FBXO11: variants seen among roughly 807,000 people sequenced by gnomAD.
FBXO11 encodes F-box only protein 11.
A neutral mutation model predicts 117.0 loss-of-function variants in FBXO11; 13 were observed. The ratio of observed to expected loss-of-function variants is 0.11; its 90% CI spans 0.07 to 0.18. The LOEUF (loss-of-function observed/expected upper bound fraction) is 0.18, where lower values mean the gene tolerates loss of function less well. Among genes scored for constraint, FBXO11 ranks in the 10% least tolerant of loss-of-function variants. The pLI, the probability that FBXO11 is intolerant of heterozygous loss-of-function variation, is 1.00. For synonymous variants in FBXO11, 490 were observed against 380.5 expected, an observed-to-expected ratio of 1.29 and a Z score of -3.35; for missense variants, 767 against 1,164.4, an observed-to-expected ratio of 0.66 and a Z score of 4.97.
At chr2:47,881,162 G>A (rs576095732) in intron 1 of FBXO11, among the ~76,000 whole-genome samples, 1 of 152,112 alleles carries the variant, frequency 6.6e-6, no homozygotes, top group Non-Finnish European at 1.5e-5. Context: ...TGACGCAGTA[G>A]AATCACTTGA....
rs1056270071 is a variant in FBXO11, at chr2:47,906,042, C to G, written c.-322G>C. 8.7e-6 allele frequency: 2 copies of G among 230,142 alleles called. No homozygotes were observed. Among genetic ancestry groups the G allele is most frequent in the African/African-American group, 2.3e-5 (1 of 42,726 alleles). 14.3% of individuals were successfully genotyped at this position (230,142 alleles called of 1,614,324 possible). On this transcript the variant is annotated 5_prime_UTR_variant, in exon 1 of 23. Transcript: ENST00000403359. ...GAGAGAAAGAAAGAAAGGGCGTCCG[C>G]CGCTTGGGGATCCCGAGGCGAAGCG...
chr2:47,823,581 C>T (rs971966526), intron 11 of FBXO11, among the ~76,000 whole-genome samples: 6 of 151,936 alleles, frequency 3.9e-5, no homozygotes, highest in South Asian at 2.1e-4. Context: ...GGTGAAACCC[C>T]GTCTCTACTA....
chr2:47,847,563 G>T (rs1010294325), intron 1 of FBXO11, among the ~76,000 whole-genome samples: 3 of 151,978 alleles, frequency 2.0e-5, no homozygotes, highest in African/African-American at 7.2e-5. Flanking sequence ...ACAAAAATTA[G>T]CAAGGCATGG....
At chr2:47,893,408 T>G (rs1046092907) in intron 1 of FBXO11, among the ~76,000 whole-genome samples, 1 of 152,134 alleles carries the variant, frequency 6.6e-6, no homozygotes, top group South Asian at 2.1e-4. Context: ...GATCTGTGTA[T>G]CTCTATCCCT....
chr2:47,889,544 CAT>C (rs1380730554), intron 1 of FBXO11, among the ~76,000 whole-genome samples: 2 of 152,022 alleles, frequency 1.3e-5, no homozygotes, highest in African/African-American at 4.8e-5. Context: ...GAACTAAATT[CAT>C]GTTTCAAAGT....
At position 47,830,388 on chromosome 2, in the gene FBXO11, A is replaced by G. The variant is rs540063619; in HGVS notation, c.1398+1961T>C. On this transcript the variant is annotated intron_variant, in intron 11 of 22. Coordinates refer to ENST00000403359, the MANE Select transcript of FBXO11 (RefSeq NM_001190274.2). Reference sequence around the variant, plus strand: ...CCATAAGGCGTTCTTTAAAAAAAACAAACAAAAAATGGCTGGATGACAAAA... The same window carrying G: ...CCATAAGGCGTTCTTTAAAAAAAACGAACAAAAAATGGCTGGATGACAAAA... Among the ~76,000 whole-genome samples, 72 of 152,334 alleles carry G rather than the reference A, an allele frequency of 4.7e-4. 1 individual carries two copies. In the South Asian group the frequency reaches 0.01, roughly 22 times the overall value.
chr2:47,810,238 A>G, intron 19 of FBXO11, 78 bp downstream of exon 19: 1 of 966,844 alleles, frequency 1.0e-6, no homozygotes, highest in Non-Finnish European at 1.5e-6. Context: ...TTAATAAGCA[A>G]AACAAAATGA....
intron 1 of FBXO11, among the ~76,000 whole-genome samples, chr2:47,889,936 T>A (rs188479274): frequency 1.1e-3 from 160 of 152,324 alleles, no homozygotes; most frequent in African/African-American, 3.6e-3. Context: ...TGTACGTATT[T>A]ACTACCATAA....
intron 14 of FBXO11, 79 bp downstream of exon 14, chr2:47,820,283 C>A: frequency 9.3e-7 from 1 of 1,072,158 alleles, no homozygotes; most frequent in South Asian, 1.6e-5. Flanking sequence ...ATATGGCCTA[C>A]CTAAAAGCTT....
At chr2:47,852,534 G>A (rs568464896) in intron 1 of FBXO11, among the ~76,000 whole-genome samples, 3 of 152,320 alleles carry the variant, frequency 2.0e-5, no homozygotes, top group Non-Finnish European at 2.9e-5. Context: ...AGGTTAGAAA[G>A]CCAATAAATG....
intron 1 of FBXO11, among the ~76,000 whole-genome samples, chr2:47,886,480 T>C (rs1676856982): frequency 1.4e-5 from 2 of 144,420 alleles, no homozygotes; most frequent in Non-Finnish European, 1.5e-5. Flanking sequence ...CACTCCAGCA[T>C]GGGAGACAGA....
intron 14 of FBXO11, among the ~76,000 whole-genome samples, chr2:47,819,428 G>C (rs993660003): frequency 6.6e-6 from 1 of 152,176 alleles, no homozygotes; most frequent in South Asian, 2.1e-4. Flanking sequence ...CTTGGCCAGG[G>C]TGGTCTTGAA....
intron 21 of FBXO11, 166 bp downstream of exon 21, chr2:47,808,992 T>C: frequency 1.9e-6 from 1 of 520,052 alleles, no homozygotes; most frequent in Non-Finnish European, 3.4e-6. Flanking sequence ...CCACCACGCC[T>C]ACCCACAGTT....
At chr2:47,810,963 T>G (rs896250649) in intron 18 of FBXO11, 1 of 152,302 alleles carries the variant, frequency 6.6e-6, no homozygotes, top group Non-Finnish European at 1.5e-5. Context: ...TAATATCACC[T>G]TGCCTTTCAA....
chr2:47,849,483 A>G (rs560485486), intron 1 of FBXO11, among the ~76,000 whole-genome samples: 1 of 152,248 alleles, frequency 6.6e-6, no homozygotes, highest in Admixed American at 6.5e-5. Context: ...ACTTAGTAAC[A>G]ATCTTCAAAA....
Position 47,838,922 on chromosome 2 carries a change from T to C in FBXO11, c.524A>G (p.Asp175Gly), listed in dbSNP as rs776562972. The C allele has an allele frequency of 5.5e-5, 88 of 1,613,990 alleles. No individual in the cohort carries two copies. The highest frequency in any genetic ancestry group is 7.1e-5 in the Non-Finnish European group (84 of 1,179,984). ...ACATACACAAGCTGCTCTACAAAGA[T>C]CCTGTTCCAGCAAGTAAGAGAAGAT... The part of the protein sequence containing the change: ...LKIFSYLLEQ[D>G]LCRAACVCKR... The change falls in exon 4 of 23, where the codon GAT (aspartate) becomes GGT (glycine). Residue 175 changes from aspartate to glycine, a missense_variant. Coordinates refer to ENST00000403359, the MANE Select transcript of FBXO11 (RefSeq NM_001190274.2).
intron 1 of FBXO11, among the ~76,000 whole-genome samples, chr2:47,884,891 T>G (rs1676700185): frequency 6.6e-6 from 1 of 152,228 alleles, no homozygotes; most frequent in Non-Finnish European, 1.5e-5. Flanking sequence ...AGGTTCTTGT[T>G]ATGCATAATA....
chr2:47,890,778 T>C (rs909422436), intron 1 of FBXO11, among the ~76,000 whole-genome samples: 1 of 151,742 alleles, frequency 6.6e-6, no homozygotes, highest in Admixed American at 6.6e-5. Context: ...TGCTCCAGTC[T>C]GGGCGACAGA....
chr2:47,821,564 T>G (rs1254805996), intron 13 of FBXO11, among the ~76,000 whole-genome samples: 1 of 150,614 alleles, frequency 6.6e-6, no homozygotes, highest in Non-Finnish European at 1.5e-5. Flanking sequence ...GAGCCGAGAT[T>G]GCGCCACTGC....
Sources: allele counts gnomAD v4.1 joint callset (sites outside exome capture counted in the v4.1 genomes callset), GRCh38; gene constraint gnomAD v4.1.1; transcripts MANE v1.5; gene names NCBI Gene and HGNC (gene_info 2026-07-23, HGNC 2026-07-21).